PTCHD4: variants seen among roughly 807,000 people sequenced by gnomAD.
PTCHD4 encodes patched domain-containing protein 4.
In PTCHD4, 33 loss-of-function variants were observed where a neutral mutation model predicts 58.1. The ratio of observed to expected loss-of-function variants is 0.57; its 90% CI spans 0.43 to 0.76. The LOEUF (loss-of-function observed/expected upper bound fraction) is 0.76. PTCHD4 is among the 30% of genes least tolerant of loss of function. The pLI, the probability that PTCHD4 is intolerant of heterozygous loss-of-function variation, is 0.00. For missense variants in PTCHD4, 1,058 were observed against 1,027.1 expected (o/e 1.03, Z -0.41); for synonymous variants, 478 against 409.6 (o/e 1.17, Z -2.02).
intron 3 of PTCHD4, among the ~76,000 whole-genome samples, chr6:48,038,661 C>T (rs1763734064): frequency 1.9e-5 from 1 of 54,042 alleles, no homozygotes. Context: ...GTAAGTCTGT[C>T]TCAAAAAAAA....
intron 3 of PTCHD4, among the ~76,000 whole-genome samples, chr6:48,033,248 T>A (rs1304463683): frequency 6.6e-6 from 1 of 152,100 alleles, no homozygotes; most frequent in East Asian, 1.9e-4. Flanking sequence ...AATATTATAA[T>A]TAAAGAATTT....
intron 4 of PTCHD4, among the ~76,000 whole-genome samples, chr6:47,954,428 C>T (rs1766774417): frequency 6.6e-6 from 1 of 152,128 alleles, no homozygotes; most frequent in African/African-American, 2.4e-5. Flanking sequence ...TAAACTTTTC[C>T]TTCATACAGC....
chr6:47,952,736 T>C (rs556197512), intron 4 of PTCHD4, among the ~76,000 whole-genome samples: 15 of 152,250 alleles, frequency 9.9e-5, no homozygotes, highest in African/African-American at 3.6e-4. Flanking sequence ...CAATAGGCTA[T>C]AGCATATAGC....
Position 47,868,183 on chromosome 6 carries a change from A to C in PTCHD4, c.*10120T>G, listed in dbSNP as rs1763621470. Among the ~76,000 whole-genome samples, 1 of 151,062 alleles carries C rather than the reference A, an allele frequency of 6.6e-6. No individual in the cohort carries two copies. Among genetic ancestry groups the C allele is most frequent in the South Asian group, 2.1e-4 (1 of 4,808 alleles). The stretch of plus-strand genomic sequence containing the variant: ...TAGATCCGTTTTAAAATTTTTTCTC[A>C]CTTTACCTTTTTTTTTAAAAAAACA... On this transcript the variant is annotated 3_prime_UTR_variant, in exon 5 of 5. Transcript: ENST00000339488.
At chr6:48,032,122 AG>A (rs1763467813) in intron 3 of PTCHD4, among the ~76,000 whole-genome samples, 2 of 152,028 alleles carry the variant, frequency 1.3e-5, no homozygotes, top group Non-Finnish European at 2.9e-5. Flanking sequence ...GACACATTGT[AG>A]AAAATTTATC....
At chr6:48,078,217 C>T (rs1413014859) in intron 1 of PTCHD4, among the ~76,000 whole-genome samples, 2 of 152,162 alleles carry the variant, frequency 1.3e-5, no homozygotes, top group African/African-American at 2.4e-5. Context: ...TAAAAAAGAG[C>T]AGCCTCTGAT....
chr6:48,000,946 T>A (rs1011245600), intron 4 of PTCHD4, among the ~76,000 whole-genome samples: 2 of 152,172 alleles, frequency 1.3e-5, no homozygotes, highest in African/African-American at 4.8e-5. Context: ...TCACAAGCAT[T>A]CTTATACACC....
chr6:47,978,742 A>C (rs1767781505), intron 4 of PTCHD4, among the ~76,000 whole-genome samples: 1 of 152,158 alleles, frequency 6.6e-6, no homozygotes, highest in Non-Finnish European at 1.5e-5. Flanking sequence ...TAACTTGTCT[A>C]CCAACAGAAT....
At position 48,068,147 on chromosome 6, in the gene PTCHD4, A is replaced by G. The variant is rs1656354436; in HGVS notation, c.417+83T>C. ...CCTGAGATCCTCTAGCACTGAAATAATATCATCCAGCACGCATTTCTTATC... is the reference window on the plus strand; with the variant it reads ...CCTGAGATCCTCTAGCACTGAAATAGTATCATCCAGCACGCATTTCTTATC... On this transcript the variant is annotated intron_variant, in intron 3 of 4. Coordinates refer to ENST00000339488, the MANE Select transcript of PTCHD4 (RefSeq NM_001384253.1). This position sits in a 1 kb window ranked among gnomAD's most constrained non-coding sequence, Gnocchi z 4.2. The G allele has an allele frequency of 1.4e-6, 2 of 1,420,232 alleles. No homozygotes were observed. The highest frequency in any genetic ancestry group is 9.5e-7 in the Non-Finnish European group (1 of 1,049,762). 88.0% of individuals were successfully genotyped at this position (1,420,232 alleles called of 1,614,324 possible). A position where few individuals can be genotyped will look rare whatever the true frequency, so the allele number is the denominator to read the frequency against.
intron 3 of PTCHD4, among the ~76,000 whole-genome samples, chr6:48,029,815 A>G (rs773859938): frequency 6.6e-6 from 1 of 152,154 alleles, no homozygotes; most frequent in Non-Finnish European, 1.5e-5. Context: ...ATGATGCATA[A>G]AATCAGATAT....
At chr6:47,977,937 A>G (rs188216672) in intron 4 of PTCHD4, among the ~76,000 whole-genome samples, 50 of 152,310 alleles carry the variant, frequency 3.3e-4, no homozygotes, top group African/African-American at 1.1e-3. Context: ...GTTGAAGCCC[A>G]TGAAGGTAAA....
chr6:48,058,871 A>G (rs1005853979), intron 3 of PTCHD4, among the ~76,000 whole-genome samples: 2 of 152,228 alleles, frequency 1.3e-5, no homozygotes, highest in African/African-American at 4.8e-5. Context: ...AGAAGGGTCT[A>G]TGTCCATCTT....
rs1310140690 is a variant in PTCHD4, at chr6:47,877,963, C to T, written c.*340G>A. ...CCTATTTGAAGGACACCTTTCCTTG[C>T]TTCTCCATCACTCCTAAGCATTTTA... On this transcript the variant is annotated 3_prime_UTR_variant, in exon 5 of 5. Coordinates refer to ENST00000339488, the MANE Select transcript of PTCHD4 (RefSeq NM_001384253.1). 5.7e-6 allele frequency: 1 copy of T among 175,882 alleles called. No individual in the cohort carries two copies. The highest frequency in any genetic ancestry group is 1.2e-5 in the Non-Finnish European group (1 of 84,292). The allele number at this position is 175,882 out of a possible 1,614,324, so 10.9% of individuals were successfully genotyped here.
At chr6:47,898,568 A>G (rs141257280) in intron 4 of PTCHD4, among the ~76,000 whole-genome samples, 3 of 152,354 alleles carry the variant, frequency 2.0e-5, no homozygotes, top group Non-Finnish European at 4.4e-5. Flanking sequence ...AAATGTTTAC[A>G]TGATACCACT....
chr6:47,982,481 C>CTCT (rs557273165), intron 4 of PTCHD4, among the ~76,000 whole-genome samples: 33 of 130,784 alleles, frequency 2.5e-4, no homozygotes, highest in Admixed American at 6.7e-4. Context: ...TTATCTCTCT[C>CTCT]TTTTTTTTTT....
rs1763448093 is a variant in PTCHD4 at position 47,862,252 on chromosome 6, T to C, written c.*16051A>G. 1.3e-5 allele frequency among the ~76,000 whole-genome samples: 2 copies of C among 148,848 alleles called. No individual in the cohort carries two copies. The highest frequency in any genetic ancestry group is 2.5e-5 in the African/African-American group (1 of 40,696). On this transcript the variant is annotated 3_prime_UTR_variant, in exon 5 of 5. Transcript: ENST00000339488. ...TGTTGCATTATGGCTTTTTTTTTAA[T>C]ATCTTGGGTCTGGCGTATATCATAG...
chr6:47,951,060 G>A (rs1006489922), intron 4 of PTCHD4, among the ~76,000 whole-genome samples: 10 of 152,166 alleles, frequency 6.6e-5, no homozygotes, highest in African/African-American at 2.4e-4. Context: ...CAATAAATGT[G>A]AGCAAAAGAA....
intron 4 of PTCHD4, among the ~76,000 whole-genome samples, chr6:47,970,631 A>C (rs778862589): frequency 5.9e-5 from 9 of 152,152 alleles, no homozygotes; most frequent in Non-Finnish European, 1.2e-4. Context: ...TGAAATGAGA[A>C]TCTTCCTAAA....
intron 4 of PTCHD4, among the ~76,000 whole-genome samples, chr6:47,988,327 C>T (rs1346284971): frequency 6.6e-6 from 1 of 152,136 alleles, no homozygotes; most frequent in African/African-American, 2.4e-5. Flanking sequence ...TGAAAACACC[C>T]ATACAATTTT....
Sources: allele counts gnomAD v4.1 joint callset (sites outside exome capture counted in the v4.1 genomes callset), GRCh38; gene constraint gnomAD v4.1.1; non-coding constraint Gnocchi (gnomAD v3.1); transcripts MANE v1.5; gene names NCBI Gene and HGNC (gene_info 2026-07-23, HGNC 2026-07-21).